VWA8: variants seen among roughly 807,000 people sequenced by gnomAD.
The protein encoded by VWA8 is von Willebrand factor A domain-containing protein 8.
A neutral mutation model predicts 241.5 loss-of-function variants in VWA8; 221 were observed. The observed-to-expected ratio is 0.91, with a 90% CI of 0.82 to 1.02. VWA8 has a LOEUF of 1.02. Ranked by LOEUF, VWA8 falls within the 50% of genes least tolerant of loss-of-function variation. VWA8 has a pLI of 0.00. For synonymous variants in VWA8, 852 were observed against 827.1 expected, an observed-to-expected ratio of 1.03 and a Z score of -0.52; for missense variants, 2,322 against 2,328.7, an observed-to-expected ratio of 1.00 and a Z score of 0.06.
intron 12 of VWA8, among the ~76,000 whole-genome samples, chr13:41,845,358 T>A (rs979149530): frequency 6.6e-6 from 1 of 152,120 alleles, no homozygotes; most frequent in Non-Finnish European, 1.5e-5. Context: ...AGGGAACACT[T>A]ACACACTGTT....
At chr13:41,665,599 T>G (rs1404870849) in intron 37 of VWA8, among the ~76,000 whole-genome samples, 1 of 151,684 alleles carries the variant, frequency 6.6e-6, no homozygotes, top group Non-Finnish European at 1.5e-5. Context: ...TACTTAAATG[T>G]AAGTGTATAC....
chr13:41,960,124 A>C (rs76396251), intron 1 of VWA8, among the ~76,000 whole-genome samples: 2,763 of 152,296 alleles, frequency 0.018, 89 homozygotes, highest in African/African-American at 0.061. Flanking sequence ...CACAAGAAAA[A>C]GAATTCCTAA....
chr13:41,611,880 G>A, intron 38 of VWA8, 148 bp from the exon 39 acceptor site: 3 of 934,724 alleles, frequency 3.2e-6, no homozygotes, highest in Non-Finnish European at 4.7e-6. Context: ...GGAAAAAGAT[G>A]TATTCTCTTG....
At chr13:41,639,085 G>A (rs2044778150) in intron 37 of VWA8, among the ~76,000 whole-genome samples, 1 of 152,022 alleles carries the variant, frequency 6.6e-6, no homozygotes, top group African/African-American at 2.4e-5. Flanking sequence ...GAGAATGTAG[G>A]TGACAGTAGT....
In VWA8 at chr13:41,804,562, G is replaced by C. The variant is rs573286950; in HGVS notation, c.2063+6663C>G. On this transcript the variant is annotated intron_variant, in intron 17 of 44. Coordinates refer to ENST00000379310, the MANE Select transcript of VWA8 (RefSeq NM_015058.2). The stretch of plus-strand genomic sequence containing the variant: ...TTAAAAAAAAATTAATGAGCAGTAA[G>C]AAATATCTGAAGCCTCAAAATTCAC... Among the ~76,000 whole-genome samples, 10 of 151,996 alleles carry C rather than the reference G, an allele frequency of 6.6e-5. No homozygotes were observed. The South Asian group carries it at 1.2e-3, about 19-fold the overall frequency.
At chr13:41,844,924 G>A (rs1272830471) in intron 12 of VWA8, among the ~76,000 whole-genome samples, 2 of 151,934 alleles carry the variant, frequency 1.3e-5, no homozygotes, top group Non-Finnish European at 2.9e-5. Flanking sequence ...GAAAAACATT[G>A]CATGCTCATG....
intron 4 of VWA8, among the ~76,000 whole-genome samples, chr13:41,895,800 C>G (rs1342112576): frequency 1.3e-5 from 2 of 149,524 alleles, no homozygotes; most frequent in Non-Finnish European, 3.0e-5. Flanking sequence ...TCAGTTTAAG[C>G]CTCTTTTCAT....
intron 26 of VWA8, among the ~76,000 whole-genome samples, chr13:41,707,055 T>C (rs962928864): frequency 1.3e-5 from 2 of 152,214 alleles, no homozygotes; most frequent in African/African-American, 4.8e-5. Context: ...GAAGTAAAAG[T>C]TTGGACTAAA....
At chr13:41,614,067 A>G (rs1163311502) in intron 38 of VWA8, among the ~76,000 whole-genome samples, 1 of 152,252 alleles carries the variant, frequency 6.6e-6, no homozygotes, top group Admixed American at 6.5e-5. Context: ...TATGGATTAA[A>G]TCTTGTTGGC....
intron 37 of VWA8, among the ~76,000 whole-genome samples, chr13:41,638,347 G>C: frequency 6.6e-6 from 1 of 152,166 alleles, no homozygotes; most frequent in East Asian, 1.9e-4. Context: ...ATCTATGACT[G>C]TTTTATTTGT....
intron 12 of VWA8, among the ~76,000 whole-genome samples, chr13:41,835,889 G>A (rs912096162): frequency 6.6e-6 from 1 of 151,884 alleles, no homozygotes; most frequent in South Asian, 2.1e-4. Context: ...ACATTACCTT[G>A]GAAAAGTAAA....
chr13:41,856,950 G>C (rs1456719929), intron 12 of VWA8, among the ~76,000 whole-genome samples: 3 of 151,000 alleles, frequency 2.0e-5, no homozygotes, highest in Non-Finnish European at 4.4e-5. Context: ...TTTTTTGTTA[G>C]AATAATAGAC....
chr13:41,943,342 A>C (rs1279724142), intron 2 of VWA8, among the ~76,000 whole-genome samples: 1 of 152,194 alleles, frequency 6.6e-6, no homozygotes, highest in African/African-American at 2.4e-5. Flanking sequence ...TTAACTAATA[A>C]AGGCTATATT....
rs1468126724 is a variant in VWA8, at chr13:41,571,353, C to CTCTCCCG, written c.5371-648_5371-647insCGGGAGA. The stretch of plus-strand genomic sequence containing the variant: ...GTCTCCCTCTCCCTCTCCCGTCTCC[C>CTCTCCCG]TCTCCCTCTCCCCGGTCTCCCTCTG... On this transcript the variant is annotated intron_variant, in intron 43 of 44. Coordinates refer to ENST00000379310, the MANE Select transcript of VWA8 (RefSeq NM_015058.2). 1.8e-4 allele frequency among the ~76,000 whole-genome samples: 26 copies of CTCTCCCG among 148,030 alleles called. 1 individual carries two copies. Among genetic ancestry groups the CTCTCCCG allele is most frequent in the East Asian group, 2.0e-4 (1 of 5,030 alleles).
intron 13 of VWA8, among the ~76,000 whole-genome samples, 193 bp from the exon 14 acceptor site, chr13:41,830,835 G>A (rs948249844): frequency 2.0e-5 from 3 of 152,102 alleles, no homozygotes; most frequent in African/African-American, 7.2e-5. Context: ...TTCTGTACTG[G>A]AGGGCAGTAG....
At chr13:41,716,840 G>A (rs944116147) in intron 26 of VWA8, among the ~76,000 whole-genome samples, 8 of 151,962 alleles carry the variant, frequency 5.3e-5, no homozygotes, top group Non-Finnish European at 8.8e-5. Flanking sequence ...ACTAACAGTA[G>A]CTGCAGAGCT....
chr13:41,569,079 G>A (rs1426334396), intron 44 of VWA8, among the ~76,000 whole-genome samples: 1 of 151,068 alleles, frequency 6.6e-6, no homozygotes, highest in East Asian at 1.9e-4. Context: ...CTTTCACTGT[G>A]CCAGTGAAGT....
At chr13:41,926,252 C>T (rs925197581) in intron 2 of VWA8, 5 of 673,228 alleles carry the variant, frequency 7.4e-6, no homozygotes, top group African/African-American at 3.5e-5. Context: ...ACTGTGGCCT[C>T]AAAGACCAGG....
intron 2 of VWA8, 54 bp from the exon 3 acceptor site, chr13:41,912,222 A>C: frequency 6.9e-7 from 1 of 1,444,492 alleles, no homozygotes; most frequent in East Asian, 2.4e-5. Context: ...CTTATAATAT[A>C]AATCTCCAAG....
Sources: allele counts gnomAD v4.1 joint callset (sites outside exome capture counted in the v4.1 genomes callset), GRCh38; gene constraint gnomAD v4.1.1; transcripts MANE v1.5; gene names NCBI Gene and HGNC (gene_info 2026-07-23, HGNC 2026-07-21).